WBP2: variants seen among roughly 807,000 people sequenced by gnomAD.
WBP2 encodes WW domain-binding protein 2.
A neutral mutation model predicts 33.0 loss-of-function variants in WBP2; 23 were observed. That is an observed-to-expected ratio of 0.70 (90% CI 0.50 to 0.99). The LOEUF (loss-of-function observed/expected upper bound fraction) is 0.99, where lower values mean the gene tolerates loss of function less well. Ranked by LOEUF, WBP2 falls within the 50% of genes least tolerant of loss-of-function variation. WBP2 has a pLI of 0.00. For synonymous variants in WBP2, 153 were observed against 133.5 expected (o/e 1.15, Z -1.01); for missense variants, 353 against 358.0 (o/e 0.99, Z 0.11).
chr17:75,855,159 T>TTGCC, intron 1 of WBP2, 80 bp downstream of exon 1: 1 of 964,060 alleles, frequency 1.0e-6, no homozygotes, highest in Non-Finnish European at 1.6e-6. Context: ...AGGGGCTTAT[T>TTGCC]CCCCACCACC....
chr17:75,847,416 G>C (rs2064999924), intron 6 of WBP2, 71 bp downstream of exon 6: 1 of 1,553,644 alleles, frequency 6.4e-7, no homozygotes, highest in Non-Finnish European at 8.7e-7. Flanking sequence ...TGGCCATTCT[G>C]AGGCTCTCTG....
rs1023403974 is a variant in WBP2, at chr17:75,847,307, G to A, written c.655+180C>T. 3.9e-6 allele frequency: 4 copies of A among 1,030,708 alleles called. No homozygotes were observed. In the Admixed American group the frequency reaches 9.2e-5, roughly 24 times the overall value. The allele number at this position is 1,030,708 out of a possible 1,614,324, so 63.8% of individuals were successfully genotyped here. A position where few individuals can be genotyped will look rare whatever the true frequency, so the allele number is the denominator to read the frequency against. ...GCACATGGATAGCTAAGGGATGGGG[G>A]TGGGGCCAGAATCTAGCTCCGCTCC... On this transcript the variant is annotated intron_variant, in intron 6 of 7. Coordinates refer to ENST00000254806, the MANE Select transcript of WBP2 (RefSeq NM_012478.4).
intron 1 of WBP2, chr17:75,852,864 T>C (rs904819010): frequency 1.5e-5 from 14 of 923,872 alleles, no homozygotes; most frequent in East Asian, 2.4e-4. Context: ...CAGATCACAA[T>C]AGGACGTCCT....
rs1056277129 is a variant in WBP2 at position 75,847,927 on chromosome 17, G to C, written c.401C>G (p.Ser134Cys). Reference sequence around the variant, plus strand: ...GGCTCCACTGGGGACTTCACCTCTGGAGGCTACGAGTACAAGGGGAAAGAG... The same window carrying C: ...GGCTCCACTGGGGACTTCACCTCTGCAGGCTACGAGTACAAGGGGAAAGAG... ...QRMLQVASQA[S>C]RGEVPSGAYG... The change falls in exon 5 of 8, where the codon TCC becomes TGC. Residue 134 changes from serine (S) to cysteine (C), a missense_variant. Physicochemically the swap from Ser to Cys is moderately radical, Grantham distance 112 (BLOSUM62 -1). Transcript: ENST00000254806. 3 of 1,564,064 alleles carry C rather than the reference G, an allele frequency of 1.9e-6. No homozygotes were observed. Among genetic ancestry groups the C allele is most frequent in the South Asian group, 2.4e-5 (2 of 85,086 alleles).
At chr17:75,852,513 T>C (rs2065034056) in intron 1 of WBP2, 2 of 151,396 alleles carry the variant, frequency 1.3e-5, no homozygotes, top group Non-Finnish European at 2.9e-5. Context: ...TGGCGTGCAG[T>C]GGCGTGATCT....
At chr17:75,848,520 C>G (rs898059317) in intron 4 of WBP2, 50 bp downstream of exon 4, 9 of 1,550,314 alleles carry the variant, frequency 5.8e-6, no homozygotes, top group Non-Finnish European at 8.0e-6. Context: ...CATACCAAAC[C>G]CCTACATGTT....
Position 75,847,836 on chromosome 17 carries a change from G to T in WBP2, c.492C>A (p.Tyr164Ter). 2.6e-6 allele frequency: 4 copies of T among 1,558,802 alleles called. No homozygotes were observed. The highest frequency in any genetic ancestry group is 3.5e-6 in the Non-Finnish European group (4 of 1,151,028). ...VYPPPVANGM[Y>*]PCPPGYPYPP... is the part of the protein sequence containing the mutation. Reference sequence around the variant, plus strand: ...GATAGGGGTAGCCAGGAGGGCAGGGGTACATTCCATTGGCGACTGGCGGGG... The same window carrying T: ...GATAGGGGTAGCCAGGAGGGCAGGGTTACATTCCATTGGCGACTGGCGGGG... The change falls in exon 5 of 8, where the codon TAC becomes TAA. Residue 164 changes from tyrosine to a stop codon, truncating the protein, a stop_gained. Transcript: ENST00000254806. LOFTEE classifies it high-confidence loss of function.
chr17:75,855,488 A>G (rs2065053433), upstream of WBP2: 2 of 617,692 alleles, frequency 3.2e-6, no homozygotes, highest in East Asian at 5.5e-5. Flanking sequence ...TGCGCAACAA[A>G]CAAGATGAAG....
chr17:75,847,196 C>G (rs559925511), intron 6 of WBP2: 11 of 678,384 alleles, frequency 1.6e-5, no homozygotes, highest in Non-Finnish European at 2.5e-5. Context: ...AATCCTTGAG[C>G]CAATGCCCCA....
intron 1 of WBP2, 121 bp downstream of exon 1, chr17:75,855,118 A>C (rs1599427197): frequency 6.3e-4 from 151 of 238,240 alleles, no homozygotes; most frequent in South Asian, 2.8e-3. Flanking sequence ...GCCGTTCCCC[A>C]CCAACCTCAC....
In WBP2 at chr17:75,846,839, C is replaced by A. The variant is rs1010662314; in HGVS notation, c.733-52G>T. On this transcript the variant is annotated intron_variant, in intron 7 of 7. Coordinates refer to ENST00000254806, the MANE Select transcript of WBP2 (RefSeq NM_012478.4). This position sits in a 1 kb window ranked among gnomAD's most constrained non-coding sequence, Gnocchi z 4.8. Reference sequence around the variant, plus strand: ...GCATTAGAAGGTTTAAAACATGGTGCGGTCATCCCCCTGCGGCTCCCAGCA... The same window carrying A: ...GCATTAGAAGGTTTAAAACATGGTGAGGTCATCCCCCTGCGGCTCCCAGCA... 1.9e-6 allele frequency: 3 copies of A among 1,608,288 alleles called. No individual in the cohort carries two copies. The highest frequency in any genetic ancestry group is 2.7e-5 in the African/African-American group (2 of 74,764).
At chr17:75,851,539 T>C in intron 2 of WBP2, 29 bp downstream of exon 2, 1 of 1,564,528 alleles carries the variant, frequency 6.4e-7, no homozygotes, top group East Asian at 2.2e-5. Context: ...AACAAGCCTC[T>C]CAACCAACTG....
intron 1 of WBP2, among the ~76,000 whole-genome samples, chr17:75,854,144 G>T (rs1323499421): frequency 6.6e-6 from 1 of 151,814 alleles, no homozygotes; most frequent in Non-Finnish European, 1.5e-5. Context: ...CTCTGAGCGG[G>T]TAAGATAGAG....
upstream of WBP2, chr17:75,855,483 A>T: frequency 1.6e-6 from 1 of 623,476 alleles, no homozygotes; most frequent in South Asian, 1.8e-5. Flanking sequence ...CCTCCTGCGC[A>T]ACAAACAAGA....
upstream of WBP2, chr17:75,855,413 G>C: frequency 8.1e-7 from 1 of 1,228,182 alleles, no homozygotes; most frequent in Non-Finnish European, 1.2e-6. Context: ...GAGTGCGGAG[G>C]CTGGCCCAAA....
chr17:75,850,534 C>T (rs983214302), intron 2 of WBP2, among the ~76,000 whole-genome samples: 1 of 152,108 alleles, frequency 6.6e-6, no homozygotes, highest in African/African-American at 2.4e-5. Context: ...CATGAGCCAC[C>T]GCACCCGGCC....
chr17:75,850,852 C>A (rs2065023857), intron 2 of WBP2, among the ~76,000 whole-genome samples: 1 of 152,118 alleles, frequency 6.6e-6, no homozygotes, highest in African/African-American at 2.4e-5. Context: ...TGCCACCACA[C>A]CCAGCTAATT....
rs1404627283 is a variant in WBP2, at chr17:75,846,820, G to C, written c.733-33C>G. 2 of 1,597,684 alleles carry C rather than the reference G, an allele frequency of 1.3e-6. No homozygotes were observed. Among genetic ancestry groups the C allele is most frequent in the East Asian group, 2.3e-5 (1 of 44,424 alleles). ...AGGGAGAAAGGAGAGACTTGCATTA[G>C]AAGGTTTAAAACATGGTGCGGTCAT... On this transcript the variant is annotated intron_variant, in intron 7 of 7. Coordinates refer to ENST00000254806, the MANE Select transcript of WBP2 (RefSeq NM_012478.4). This position sits in a 1 kb window ranked among gnomAD's most constrained non-coding sequence, Gnocchi z 4.8.
rs1043359797 is a variant in WBP2, at chr17:75,847,412, T to C, written c.655+75A>G. On this transcript the variant is annotated intron_variant, in intron 6 of 7. Coordinates refer to ENST00000254806, the MANE Select transcript of WBP2 (RefSeq NM_012478.4). ...TGCGGCTCTCAGCAGTCTCTGGCCA[T>C]TCTGAGGCTCTCTGTGCGACATCGG... is the stretch of plus-strand genomic sequence containing the variant. The C allele has an allele frequency of 3.9e-6, 6 of 1,551,730 alleles. No homozygotes were observed. The East Asian group carries it at 1.5e-4, about 38-fold the overall frequency.
Sources: gnomAD v4.1 joint callset for allele counts (sites outside exome capture counted in the v4.1 genomes callset) on GRCh38, gnomAD v4.1.1 for gene constraint, Gnocchi (gnomAD v3.1) non-coding constraint, MANE v1.5 for transcripts, NCBI Gene and HGNC (gene_info 2026-07-23, HGNC 2026-07-21) for gene names.